Variants in RPS6KC1 observed in about 807,000 individuals in gnomAD.
RPS6KC1 encodes inactive ribosomal protein S6 kinase delta-1.
A neutral mutation model predicts 103.8 loss-of-function variants in RPS6KC1; 54 were observed. The ratio of observed to expected loss-of-function variants is 0.52; its 90% confidence interval spans 0.42 to 0.65. The LOEUF is 0.65. Ranked by LOEUF, RPS6KC1 falls within the 30% of genes least tolerant of loss-of-function variation. The pLI is 0.00. For synonymous variants in RPS6KC1, 439 were observed against 438.7 expected (o/e 1.00, Z -0.01); for missense variants, 1,151 against 1,253.8 (o/e 0.92, Z 1.24).
At chr1:213,432,234 G>A in the RPS6KC1 span, among the ~76,000 whole-genome samples, 13 of 152,066 alleles carry the variant, frequency 8.5e-5, 1 homozygote, top group African/African-American at 1.4e-4. Context: ...TCCCCATTCC[G>A]TGACATGCCT....
intron 8 of RPS6KC1, among the ~76,000 whole-genome samples, chr1:213,189,501 AT>A (rs1170051632): frequency 3.7e-4 from 56 of 150,790 alleles, no homozygotes; most frequent in Non-Finnish European, 4.7e-4. Flanking sequence ...CACTTCTTAA[AT>A]TTTTTTTATT....
intron 3 of RPS6KC1, among the ~76,000 whole-genome samples, chr1:213,101,938 G>A (rs1355117411): frequency 6.6e-6 from 1 of 152,068 alleles, no homozygotes; most frequent in Non-Finnish European, 1.5e-5. Context: ...TTGTTTTCAA[G>A]CCAGAGAATT....
the RPS6KC1 span, among the ~76,000 whole-genome samples, chr1:213,661,619 C>CA: frequency 6.6e-6 from 1 of 152,108 alleles, no homozygotes; most frequent in Non-Finnish European, 1.5e-5. Context: ...CACGATAACT[C>CA]AAGTACATGA....
chr1:213,287,232 A>ATGTG, the RPS6KC1 span, among the ~76,000 whole-genome samples: 197 of 146,830 alleles, frequency 1.3e-3, 1 homozygote, highest in African/African-American at 4.4e-3. Context: ...TGCCTATACA[A>ATGTG]TGTGTGTGTG....
chr1:213,778,075 A>C, the RPS6KC1 span, among the ~76,000 whole-genome samples: 1 of 152,140 alleles, frequency 6.6e-6, no homozygotes, highest in Non-Finnish European at 1.5e-5. Context: ...CCCAATCATA[A>C]CACGATGCCA....
chr1:213,478,612 A>G, the RPS6KC1 span, among the ~76,000 whole-genome samples: 1 of 152,156 alleles, frequency 6.6e-6, no homozygotes, highest in African/African-American at 2.4e-5. Flanking sequence ...TTAATTATGT[A>G]TGATGCTAAG....
the RPS6KC1 span, among the ~76,000 whole-genome samples, chr1:213,367,522 T>C: frequency 6.6e-6 from 1 of 152,234 alleles, no homozygotes; most frequent in African/African-American, 2.4e-5. Context: ...TAGCCTACCA[T>C]GAGTTCTGCC....
chr1:213,415,464 A>C, the RPS6KC1 span, among the ~76,000 whole-genome samples: 4 of 152,216 alleles, frequency 2.6e-5, no homozygotes, highest in Non-Finnish European at 5.9e-5. Context: ...TGACAAGCTA[A>C]AGGGGTCGGC....
At chr1:213,609,011 A>C in the RPS6KC1 span, among the ~76,000 whole-genome samples, 2 of 152,344 alleles carry the variant, frequency 1.3e-5, no homozygotes, top group East Asian at 3.9e-4. Context: ...GATTACTAAA[A>C]TAAAGAATGT....
the RPS6KC1 span, among the ~76,000 whole-genome samples, chr1:213,304,131 G>A: frequency 1.3e-5 from 2 of 148,458 alleles, no homozygotes; most frequent in African/African-American, 4.9e-5. Context: ...GCGTGAACCC[G>A]GGAGGCGGAG....
chr1:213,826,472 A>G, the RPS6KC1 span, among the ~76,000 whole-genome samples: 1 of 152,188 alleles, frequency 6.6e-6, no homozygotes, highest in Non-Finnish European at 1.5e-5. Context: ...TCAATACTAT[A>G]TAGACTTGAG....
the RPS6KC1 span, among the ~76,000 whole-genome samples, chr1:213,332,468 A>G: frequency 6.6e-6 from 1 of 152,250 alleles, no homozygotes; most frequent in African/African-American, 2.4e-5. Flanking sequence ...GCCACAGAAG[A>G]CATATGCTAC....
the RPS6KC1 span, among the ~76,000 whole-genome samples, chr1:213,321,493 T>C: frequency 6.6e-6 from 1 of 152,206 alleles, no homozygotes; most frequent in Non-Finnish European, 1.5e-5. Flanking sequence ...TATTTTGTTC[T>C]CTCATTTCAT....
the RPS6KC1 span, among the ~76,000 whole-genome samples, chr1:213,578,868 G>A: frequency 2.2e-3 from 337 of 152,172 alleles, no homozygotes; most frequent in African/African-American, 7.5e-3. Flanking sequence ...AAGACTTTGG[G>A]GGACTTAGGA....
At chr1:213,525,834 G>A in the RPS6KC1 span, among the ~76,000 whole-genome samples, 2 of 152,164 alleles carry the variant, frequency 1.3e-5, no homozygotes, top group Non-Finnish European at 2.9e-5. Flanking sequence ...TTCTTTGAAA[G>A]GGTTTTCTTC....
chr1:213,157,538 GT>G (rs1319724679), intron 6 of RPS6KC1, among the ~76,000 whole-genome samples: 1 of 152,140 alleles, frequency 6.6e-6, no homozygotes, highest in Non-Finnish European at 1.5e-5. Context: ...AATTGTTATG[GT>G]TGGTGAATAT....
the RPS6KC1 span, among the ~76,000 whole-genome samples, chr1:213,716,043 A>T: frequency 0.46 from 69,710 of 151,840 alleles, 16,331 homozygotes; most frequent in South Asian, 0.57. Context: ...AAATATAAAA[A>T]TTTATAGTCT....
chr1:213,856,531 C>T, the RPS6KC1 span, among the ~76,000 whole-genome samples: 1 of 143,328 alleles, frequency 7.0e-6, no homozygotes, highest in African/African-American at 2.6e-5. Flanking sequence ...CTTCCTTCCT[C>T]CATTTCCTTT....
chr1:213,783,438 A>G, the RPS6KC1 span, among the ~76,000 whole-genome samples: 4 of 152,298 alleles, frequency 2.6e-5, no homozygotes, highest in Admixed American at 2.6e-4. Context: ...CATCTGCAGA[A>G]AGGCCGACAA....
Sources: gnomAD v4.1 joint callset for allele counts (sites outside exome capture counted in the v4.1 genomes callset) on GRCh38, gnomAD v4.1.1 for gene constraint, MANE v1.5 for transcripts, NCBI Gene and HGNC (gene_info 2026-07-23, HGNC 2026-07-21) for gene names.